GAB2: variants seen among roughly 807,000 people sequenced by gnomAD.
GAB2 encodes the protein GRB2 associated binding protein 2, also known as GRB2-associated-binding protein 2.
Under a neutral mutation model 65.5 loss-of-function variants are expected in GAB2, and 26 were observed. The ratio of observed to expected loss-of-function variants is 0.40; its 90% confidence interval spans 0.29 to 0.55. GAB2 has a LOEUF of 0.55. Ranked by LOEUF, GAB2 falls within the 20% of genes least tolerant of loss-of-function variation. The pLI is 0.53. For synonymous variants in GAB2, 321 were observed against 329.6 expected (o/e 0.97, Z 0.28); for missense variants, 884 against 875.8 (o/e 1.01, Z -0.12).
chr11:78,398,505 T>C (rs1182863646), intron 1 of GAB2, among the ~76,000 whole-genome samples: 1 of 152,262 alleles, frequency 6.6e-6, no homozygotes, highest in Non-Finnish European at 1.5e-5. Flanking sequence ...TGAAATGTGA[T>C]GAAATCTTGA....
At chr11:78,269,287 G>T (rs1300038005) in intron 2 of GAB2, among the ~76,000 whole-genome samples, 1 of 152,044 alleles carries the variant, frequency 6.6e-6, no homozygotes. Context: ...CAGAGGAGTT[G>T]GTCTGATTTC....
At chr11:78,243,196 G>T (rs1162072779) in intron 3 of GAB2, among the ~76,000 whole-genome samples, 1 of 151,984 alleles carries the variant, frequency 6.6e-6, no homozygotes, top group African/African-American at 2.4e-5. Context: ...GGCTGGGCAT[G>T]GTGGCTCATG....
intron 2 of GAB2, among the ~76,000 whole-genome samples, chr11:78,275,561 A>G (rs1256492728): frequency 6.6e-6 from 1 of 152,202 alleles, no homozygotes; most frequent in Non-Finnish European, 1.5e-5. Flanking sequence ...ATCTTTTAAC[A>G]TACCAGATTC....
At chr11:78,399,317 A>T (rs1856940861) in intron 1 of GAB2, among the ~76,000 whole-genome samples, 1 of 152,196 alleles carries the variant, frequency 6.6e-6, no homozygotes, top group African/African-American at 2.4e-5. Flanking sequence ...AGTGTCATGG[A>T]AGCAAGCCCA....
chr11:78,376,770 G>A (rs769264919), intron 1 of GAB2, among the ~76,000 whole-genome samples: 10 of 152,014 alleles, frequency 6.6e-5, no homozygotes, highest in Admixed American at 5.9e-4. Flanking sequence ...AATCAGCCTG[G>A]GCTGCTATAA....
intron 2 of GAB2, among the ~76,000 whole-genome samples, chr11:78,275,678 G>A (rs2134575120): frequency 6.6e-6 from 1 of 152,134 alleles, no homozygotes; most frequent in South Asian, 2.1e-4. Flanking sequence ...TAGAACACTA[G>A]ACATCTAATA....
chr11:78,262,369 T>C (rs1405278654), intron 2 of GAB2, among the ~76,000 whole-genome samples: 1 of 152,208 alleles, frequency 6.6e-6, no homozygotes, highest in African/African-American at 2.4e-5. Context: ...GAATAAGAAA[T>C]GACATAGTCC....
intron 1 of GAB2, among the ~76,000 whole-genome samples, chr11:78,323,613 A>AT: frequency 6.6e-6 from 1 of 151,682 alleles, no homozygotes; most frequent in Non-Finnish European, 1.5e-5. Context: ...AAAGACGGAA[A>AT]TAGTAGACAC....
intron 1 of GAB2, among the ~76,000 whole-genome samples, chr11:78,288,766 T>C (rs748163300): frequency 9.9e-5 from 15 of 152,204 alleles, no homozygotes; most frequent in Non-Finnish European, 2.1e-4. Flanking sequence ...GACGTACAGA[T>C]TTAACACAAT....
chr11:78,404,776 T>C (rs1203208718), intron 1 of GAB2, among the ~76,000 whole-genome samples: 1 of 152,088 alleles, frequency 6.6e-6, no homozygotes, highest in African/African-American at 2.4e-5. Flanking sequence ...AAGAGAAGTA[T>C]AAAGAAGGGA....
intron 3 of GAB2, among the ~76,000 whole-genome samples, chr11:78,244,045 G>C (rs1865220561): frequency 6.6e-6 from 1 of 151,796 alleles, no homozygotes; most frequent in Admixed American, 6.6e-5. Context: ...AACAAAAAAG[G>C]GCCCAGCTAA....
Position 78,217,139 on chromosome 11 carries a change from C to CATTA in GAB2, c.*2132_*2133insTAAT, listed in dbSNP as rs3832723. On this transcript the variant is annotated 3_prime_UTR_variant, in exon 10 of 10. Transcript: ENST00000361507. The stretch of plus-strand genomic sequence containing the variant: ...TTTCCTAGAATCCACCTTCCCTGAT[C>CATTA]CCCCACTCCTGCCTCTGACACCAAC... 40,321 of 152,066 alleles carry CATTA rather than the reference C, an allele frequency of 0.27. 6,109 individuals are homozygous for CATTA. The highest frequency in any genetic ancestry group is 0.41 in the African/African-American group (16,983 of 41,298). The allele number at this position is 152,066 out of a possible 1,614,324, so 9.4% of individuals were successfully genotyped here.
intron 1 of GAB2, among the ~76,000 whole-genome samples, chr11:78,352,556 G>A: frequency 6.6e-6 from 1 of 152,174 alleles, no homozygotes; most frequent in Non-Finnish European, 1.5e-5. Flanking sequence ...CTTCACCCTT[G>A]TTACAGAATT....
In GAB2 at chr11:78,219,112, A is replaced by AG. The variant is rs1362817174; in HGVS notation, c.*159dup. 6.0e-6 allele frequency: 4 copies of AG among 661,884 alleles called. No individual in the cohort carries two copies. The highest frequency in any genetic ancestry group is 2.9e-5 in the Admixed American group (1 of 34,128). The allele number at this position is 661,884 out of a possible 1,614,324, so 41.0% of individuals were successfully genotyped here. On this transcript the variant is annotated 3_prime_UTR_variant, in exon 10 of 10. Coordinates refer to ENST00000361507, the MANE Select transcript of GAB2 (RefSeq NM_080491.3). ...TGCCTTGATCAGGCCCTCACCTCCC[A>AG]GGGGAAGGGTTCAGGGTCCCTGATG...
chr11:78,269,998 C>A (rs898835398), intron 2 of GAB2, among the ~76,000 whole-genome samples: 2 of 152,146 alleles, frequency 1.3e-5, no homozygotes, highest in Admixed American at 6.5e-5. Context: ...CTCACAGTAG[C>A]TTGTAGGTTC....
In GAB2 at chr11:78,322,298, CAAAAAAAAAAAA is replaced by C. The variant is rs56709163; in HGVS notation, c.76-41409_76-41398del. Among the ~76,000 whole-genome samples, 337 of 12,070 alleles carry C rather than the reference CAAAAAAAAAAAA, an allele frequency of 0.028. 17 individuals carry two copies. The East Asian group carries it at 0.29, about 10-fold the overall frequency. The allele number at this position is 12,070 out of a possible 152,430, so 7.9% of individuals were successfully genotyped here. A position where few individuals can be genotyped will look rare whatever the true frequency, so the allele number is the denominator to read the frequency against. On this transcript the variant is annotated intron_variant, in intron 1 of 9. Transcript: ENST00000361507. ...TGGCTGACAGAGGGAGACTCTGTCT[CAAAAAAAAAAAA>C]AAAAAAAAAAAAAAAAAAGTAAGAT... is the stretch of plus-strand genomic sequence containing the variant.
intron 1 of GAB2, among the ~76,000 whole-genome samples, chr11:78,340,061 G>C (rs1449383296): frequency 6.6e-6 from 1 of 152,160 alleles, no homozygotes; most frequent in African/African-American, 2.4e-5. Context: ...GTAAATAAAA[G>C]AACAAGCAGT....
At chr11:78,361,636 A>G (rs745386601) in intron 1 of GAB2, among the ~76,000 whole-genome samples, 5 of 152,226 alleles carry the variant, frequency 3.3e-5, no homozygotes, top group African/African-American at 4.8e-5. Context: ...GAAAAGATCA[A>G]TGTTGACTTA....
intron 1 of GAB2, among the ~76,000 whole-genome samples, chr11:78,334,716 G>A (rs1482274008): frequency 6.6e-6 from 1 of 152,234 alleles, no homozygotes; most frequent in Non-Finnish European, 1.5e-5. Flanking sequence ...ACAAACATGG[G>A]AGTGCAGGTA....
Sources: gnomAD v4.1 joint callset for allele counts (sites outside exome capture counted in the v4.1 genomes callset) on GRCh38, gnomAD v4.1.1 for gene constraint, MANE v1.5 for transcripts, NCBI Gene and HGNC (gene_info 2026-07-23, HGNC 2026-07-21) for gene names.